Variants in PDE4A observed in about 807,000 individuals in gnomAD.
PDE4A encodes 3',5'-cyclic-AMP phosphodiesterase 4A.
A neutral mutation model predicts 73.9 loss-of-function variants in PDE4A; 21 were observed. That is an observed-to-expected ratio of 0.28 (90% CI 0.20 to 0.41). PDE4A has a LOEUF of 0.41. Ranked by LOEUF, PDE4A falls within the 10% of genes least tolerant of loss-of-function variation. The pLI is 1.00. For synonymous variants in PDE4A, 463 were observed against 505.4 expected (o/e 0.92, Z 1.13); for missense variants, 958 against 1,211.4 (o/e 0.79, Z 3.10).
At chr19:10,417,036 G>A (rs556219749), upstream of PDE4A, 84 of 1,532,436 alleles carry the variant, frequency 5.5e-5, no homozygotes, top group Middle Eastern at 1.7e-4. Flanking sequence ...TCGCCCCTTG[G>A]GGGAGACTAG....
At position 10,448,956 on chromosome 19, in the gene PDE4A, G is replaced by T; in HGVS notation, c.549+3G>T. The T allele has an allele frequency of 6.2e-7, 1 of 1,613,786 alleles. No individual in the cohort carries two copies. The highest frequency in any genetic ancestry group is 1.1e-5 in the South Asian group (1 of 91,002). ...TCATCGTAACACCATTTGCTCAGGT[G>T]AGACCTCTTCCCAAATGGTTAAGGA... On this transcript the variant is annotated splice_donor_region_variant and intron_variant, in intron 3 of 14. Transcript: ENST00000380702.
intron 1 of PDE4A, chr19:10,431,001 G>T (rs2042781257): frequency 6.3e-7 from 1 of 1,579,094 alleles, no homozygotes; most frequent in Non-Finnish European, 8.5e-7. Flanking sequence ...CGTCTTCTTC[G>T]CCAGCCCGTC....
intron 13 of PDE4A, among the ~76,000 whole-genome samples, chr19:10,463,152 G>A (rs1419530810): frequency 2.7e-5 from 4 of 150,366 alleles, no homozygotes; most frequent in Non-Finnish European, 5.9e-5. Context: ...TAGAGGGCAC[G>A]GATCTTGGTT....
At chr19:10,439,472 G>A (rs572669322) in intron 1 of PDE4A, among the ~76,000 whole-genome samples, 2 of 152,210 alleles carry the variant, frequency 1.3e-5, no homozygotes, top group East Asian at 1.9e-4. Context: ...GTGAGCCACC[G>A]CACCTGGCCT....
intron 5 of PDE4A, 78 bp from the exon 6 acceptor site, chr19:10,450,751 C>A: frequency 1.3e-6 from 2 of 1,578,316 alleles, no homozygotes; most frequent in Non-Finnish European, 1.7e-6. Flanking sequence ...CCTGGCGAAC[C>A]CCGTCACGGC....
intron 1 of PDE4A, among the ~76,000 whole-genome samples, chr19:10,423,424 G>A (rs1411056583): frequency 6.6e-6 from 1 of 152,066 alleles, no homozygotes; most frequent in Non-Finnish European, 1.5e-5. Context: ...GCCTCCCAAA[G>A]TGCTGGGATT....
chr19:10,426,012 A>AAAAAAAAAG (rs58606489), intron 1 of PDE4A, among the ~76,000 whole-genome samples: 1 of 140,620 alleles, frequency 7.1e-6, no homozygotes, highest in African/African-American at 2.8e-5. Context: ...AAAAAAAAAA[A>AAAAAAAAAG]AGGAAGGAGG....
At chr19:10,432,771 G>A (rs2042813131) in intron 1 of PDE4A, among the ~76,000 whole-genome samples, 1 of 152,172 alleles carries the variant, frequency 6.6e-6, no homozygotes, top group African/African-American at 2.4e-5. Context: ...CCTCAAAGTG[G>A]GTGCTGGGTC....
intron 10 of PDE4A, among the ~76,000 whole-genome samples, 182 bp downstream of exon 10, chr19:10,459,941 C>T (rs1201919149): frequency 3.9e-5 from 6 of 152,030 alleles, no homozygotes; most frequent in African/African-American, 1.4e-4. Context: ...AGTGCAGTGG[C>T]ACGATCTCAG....
chr19:10,436,411 C>G (rs546522449), intron 1 of PDE4A, among the ~76,000 whole-genome samples: 1 of 151,958 alleles, frequency 6.6e-6, no homozygotes, highest in Non-Finnish European at 1.5e-5. Flanking sequence ...CAAAATTAGC[C>G]GGGCATGGTG....
intron 14 of PDE4A, among the ~76,000 whole-genome samples, chr19:10,465,545 AAAATGCCTCCAGACATTGCC>A (rs1434321197): frequency 3.3e-5 from 5 of 151,822 alleles, no homozygotes; most frequent in Admixed American, 6.6e-5. Flanking sequence ...GTAAAGACCA[AAAATGCCTCCAGACATTGCC>A]AAATGTCCCC....
At chr19:10,428,961 C>T (rs2042752324) in intron 1 of PDE4A, 33 of 869,560 alleles carry the variant, frequency 3.8e-5, no homozygotes, top group Non-Finnish European at 4.6e-5. Flanking sequence ...AAAAATTTGC[C>T]AGGTATTGTG....
chr19:10,419,959 T>C (rs2042627650), upstream of PDE4A: 1 of 152,708 alleles, frequency 6.5e-6, no homozygotes, highest in Non-Finnish European at 1.5e-5. Context: ...GCCAACCACG[T>C]GCGCACACAC....
upstream of PDE4A, chr19:10,420,389 T>C: frequency 3.1e-6 from 3 of 972,058 alleles, no homozygotes; most frequent in Non-Finnish European, 3.7e-6. The surrounding 1 kb of genome is among the most constrained non-coding windows in gnomAD (Gnocchi z 6.0). Context: ...CCCCCCTCCT[T>C]AGGTAGCTGC....
chr19:10,462,622 T>C (rs1305788867), intron 13 of PDE4A, among the ~76,000 whole-genome samples: 1 of 151,758 alleles, frequency 6.6e-6, no homozygotes, highest in Non-Finnish European at 1.5e-5. Flanking sequence ...ACACCTGACC[T>C]CTTTCTGTCT....
At chr19:10,466,862 T>C (rs2043382222) in intron 14 of PDE4A, 25 bp from the exon 15 acceptor site, 4 of 1,604,108 alleles carry the variant, frequency 2.5e-6, no homozygotes, top group Non-Finnish European at 3.4e-6. Context: ...AGGCCGCCCA[T>C]TTATACTTTC....
At chr19:10,430,829 G>T (rs2145468416) in intron 1 of PDE4A, 2 of 1,103,218 alleles carry the variant, frequency 1.8e-6, no homozygotes, top group Admixed American at 1.0e-4. Flanking sequence ...CGCCGAGGCG[G>T]GGCCGCCCCG....
intron 10 of PDE4A, among the ~76,000 whole-genome samples, chr19:10,460,369 C>T (rs1182236024): frequency 6.8e-6 from 1 of 147,980 alleles, no homozygotes; most frequent in Non-Finnish European, 1.5e-5. Context: ...CGTGGTGGGG[C>T]ACGCCTGTAA....
intron 1 of PDE4A, among the ~76,000 whole-genome samples, chr19:10,437,466 C>T (rs1297181067): frequency 6.6e-6 from 1 of 152,036 alleles, no homozygotes; most frequent in African/African-American, 2.4e-5. Flanking sequence ...ATCACCCAGT[C>T]TGGAGTGCAG....
Sources: allele counts gnomAD v4.1 joint callset (sites outside exome capture counted in the v4.1 genomes callset), GRCh38; gene constraint gnomAD v4.1.1; non-coding constraint Gnocchi (gnomAD v3.1); transcripts MANE v1.5; gene names NCBI Gene and HGNC (gene_info 2026-07-23, HGNC 2026-07-21).